The following KIAA1217 variants were observed in gnomAD, a reference collection of about 807,000 sequenced individuals.
KIAA1217 encodes KIAA1217.
Under a neutral mutation model 163.9 loss-of-function variants are expected in KIAA1217, and 88 were observed. The ratio of observed to expected loss-of-function variants is 0.54; its 90% confidence interval spans 0.45 to 0.64. The LOEUF (loss-of-function observed/expected upper bound fraction) is 0.64, where lower values mean the gene tolerates loss of function less well. KIAA1217 is among the 30% of genes least tolerant of loss of function. The pLI, the probability that KIAA1217 is intolerant of heterozygous loss-of-function variation, is 0.00. For synonymous variants in KIAA1217, 903 were observed against 923.1 expected, an observed-to-expected ratio of 0.98 and a Z score of 0.39; for missense variants, 2,372 against 2,475.0, an observed-to-expected ratio of 0.96 and a Z score of 0.88.
At chr10:24,374,505 C>T in intron 2 of KIAA1217, among the ~76,000 whole-genome samples, 1 of 152,192 alleles carries the variant, frequency 6.6e-6, no homozygotes, top group East Asian at 1.9e-4. Flanking sequence ...ACCACCATTT[C>T]TCTGAGTCTT....
chr10:23,989,602 T>G (rs1846127770), intron 1 of KIAA1217, among the ~76,000 whole-genome samples: 1 of 152,200 alleles, frequency 6.6e-6, no homozygotes, highest in Non-Finnish European at 1.5e-5. Context: ...GTGGTTTTCT[T>G]AAGTCCTTCG....
At chr10:23,802,637 A>G (rs1481271246) in intron 1 of KIAA1217, among the ~76,000 whole-genome samples, 1 of 152,240 alleles carries the variant, frequency 6.6e-6, no homozygotes, top group Non-Finnish European at 1.5e-5. Context: ...TAGAAATGCC[A>G]GTTATCTTTT....
chr10:24,181,271 A>G (rs1360814583), intron 2 of KIAA1217, among the ~76,000 whole-genome samples: 1 of 152,218 alleles, frequency 6.6e-6, no homozygotes, highest in Non-Finnish European at 1.5e-5. Flanking sequence ...GTATCAGGGA[A>G]TATTTCCCAG....
intron 1 of KIAA1217, among the ~76,000 whole-genome samples, chr10:23,753,190 A>C (rs1304652934): frequency 6.6e-6 from 1 of 152,226 alleles, no homozygotes; most frequent in Admixed American, 6.5e-5. Flanking sequence ...TGGCAAACAC[A>C]AATAGAGGGA....
chr10:23,783,351 G>A (rs141083252), intron 1 of KIAA1217, among the ~76,000 whole-genome samples: 1 of 152,264 alleles, frequency 6.6e-6, no homozygotes, highest in African/African-American at 2.4e-5. Flanking sequence ...TCCTGTTAAT[G>A]TCATATATTA....
chr10:23,808,769 A>G (rs1290893791), intron 1 of KIAA1217, among the ~76,000 whole-genome samples: 1 of 152,160 alleles, frequency 6.6e-6, no homozygotes, highest in Non-Finnish European at 1.5e-5. Context: ...TTCAAAGTGA[A>G]AATGGTGAGA....
At chr10:23,699,152 G>A (rs1340657211) in intron 1 of KIAA1217, among the ~76,000 whole-genome samples, 1 of 152,198 alleles carries the variant, frequency 6.6e-6, no homozygotes, top group African/African-American at 2.4e-5. Context: ...TGCCTGATCA[G>A]GTCCTTCTGA....
chr10:24,370,776 G>A (rs537813595), intron 2 of KIAA1217, among the ~76,000 whole-genome samples: 32 of 152,168 alleles, frequency 2.1e-4, no homozygotes, highest in African/African-American at 7.7e-4. Flanking sequence ...TTGTAGAGAT[G>A]GGACGTTGCC....
chr10:24,007,638 A>G (rs1217751886), intron 2 of KIAA1217, among the ~76,000 whole-genome samples: 1 of 152,178 alleles, frequency 6.6e-6, no homozygotes, highest in Non-Finnish European at 1.5e-5. Flanking sequence ...ACCATGTATT[A>G]GATCCATTTA....
chr10:23,930,694 A>T (rs887708132), intron 1 of KIAA1217, among the ~76,000 whole-genome samples: 1 of 152,212 alleles, frequency 6.6e-6, no homozygotes, highest in Non-Finnish European at 1.5e-5. Context: ...TTTCCAGTGT[A>T]TCTGTGATTC....
At chr10:24,468,100 A>G (rs2063139881) in intron 5 of KIAA1217, among the ~76,000 whole-genome samples, 1 of 152,306 alleles carries the variant, frequency 6.6e-6, no homozygotes, top group East Asian at 1.9e-4. Flanking sequence ...TGCTGCTTCC[A>G]TCTATCAGAT....
intron 2 of KIAA1217, among the ~76,000 whole-genome samples, chr10:24,138,646 C>CAA (rs35117486): frequency 0.014 from 1,999 of 143,860 alleles, 22 homozygotes; most frequent in Middle Eastern, 0.043. Context: ...ATTCATTAAC[C>CAA]AAAAAAAAAA....
chr10:24,053,593 A>G (rs1849673815), intron 2 of KIAA1217, among the ~76,000 whole-genome samples: 1 of 152,174 alleles, frequency 6.6e-6, no homozygotes, highest in South Asian at 2.1e-4. Context: ...TTCTGAAACT[A>G]TGATTCCTAC....
intron 1 of KIAA1217, among the ~76,000 whole-genome samples, chr10:23,885,870 C>T (rs1449830470): frequency 6.6e-6 from 1 of 151,948 alleles, no homozygotes; most frequent in Non-Finnish European, 1.5e-5. Context: ...AACCCATGAA[C>T]ACAATCAATT....
intron 2 of KIAA1217, among the ~76,000 whole-genome samples, chr10:24,065,368 A>G (rs1401026815): frequency 2.6e-5 from 4 of 152,094 alleles, no homozygotes; most frequent in Non-Finnish European, 5.9e-5. Flanking sequence ...GTTTCAAAGA[A>G]CATCTTTATT....
At chr10:24,080,887 G>A (rs2061517861) in intron 2 of KIAA1217, among the ~76,000 whole-genome samples, 1 of 147,516 alleles carries the variant, frequency 6.8e-6, no homozygotes, top group Non-Finnish European at 1.5e-5. Flanking sequence ...TTTTAAACAA[G>A]TAGGGCCAGA....
intron 14 of KIAA1217, among the ~76,000 whole-genome samples, chr10:24,529,897 A>C (rs1216971417): frequency 1.3e-5 from 2 of 149,952 alleles, no homozygotes; most frequent in African/African-American, 2.5e-5. Context: ...TCCTGGGTTC[A>C]AGCAATTCTT....
chr10:24,473,075 CAA>C (rs1420702151), intron 5 of KIAA1217, among the ~76,000 whole-genome samples, 151 bp from the exon 6 acceptor site: 1 of 152,224 alleles, frequency 6.6e-6, no homozygotes, highest in Non-Finnish European at 1.5e-5. Flanking sequence ...ACCCCATCTG[CAA>C]AGTCTCTTTT....
chr10:23,931,834 G>A (rs1843263950), intron 1 of KIAA1217, among the ~76,000 whole-genome samples: 1 of 152,152 alleles, frequency 6.6e-6, no homozygotes, highest in South Asian at 2.1e-4. Context: ...AAATTAAGGA[G>A]CATTTACTAA....
Sources: gnomAD v4.1 joint callset for allele counts (sites outside exome capture counted in the v4.1 genomes callset) on GRCh38, gnomAD v4.1.1 for gene constraint, MANE v1.5 for transcripts, NCBI Gene and HGNC (gene_info 2026-07-23, HGNC 2026-07-21) for gene names.